Variants in JADE3 observed in about 807,000 individuals in gnomAD.
The protein encoded by JADE3 is protein Jade-3.
In JADE3, 2 loss-of-function variants were observed where a neutral mutation model predicts 50.1. That is an observed-to-expected ratio of 0.04 (90% CI 0.02 to 0.13). The LOEUF is 0.13. Ranked by LOEUF, JADE3 falls within the 10% of genes least tolerant of loss-of-function variation. The pLI, the probability that JADE3 is intolerant of heterozygous loss-of-function variation, is 1.00. For missense variants in JADE3, 475 were observed against 634.4 expected, an observed-to-expected ratio of 0.75 and a Z score of 2.70; for synonymous variants, 218 against 232.9, an observed-to-expected ratio of 0.94 and a Z score of 0.58.
In JADE3 at chrX:46,935,984, C is replaced by CT. The variant is rs782033362; in HGVS notation, c.-12+23272dup. 2.6e-3 allele frequency among the ~76,000 whole-genome samples: 212 copies of CT among 81,768 alleles called. 2 individuals are homozygous for CT. Among genetic ancestry groups the CT allele is most frequent in the Non-Finnish European group, 4.1e-3 (166 of 40,710 alleles). The allele number at this position is 81,768 out of a possible 115,157, so 71.0% of individuals were successfully genotyped here. A position where few individuals can be genotyped will look rare whatever the true frequency, so the allele number is the denominator to read the frequency against. ...GAGCCACCACGCCTGGCTGATTTTTCTTTTTTTAGATTTAACGTGGTTGAA... is the reference window on the plus strand; with the variant it reads ...GAGCCACCACGCCTGGCTGATTTTTCTTTTTTTTAGATTTAACGTGGTTGAA... On this transcript the variant is annotated intron_variant, in intron 1 of 10. Transcript: ENST00000614628.
chrX:46,958,104 C>T (rs782655434), intron 1 of JADE3, among the ~76,000 whole-genome samples: 1 of 111,698 alleles, frequency 9.0e-6, no homozygotes, highest in South Asian at 3.8e-4. Context: ...TCTGGATGCA[C>T]TTTCATTGGT....
intron 1 of JADE3, among the ~76,000 whole-genome samples, chrX:46,947,307 C>T (rs1242475116): frequency 9.0e-6 from 1 of 111,705 alleles, no homozygotes; most frequent in Non-Finnish European, 1.9e-5. Context: ...GCATGAGCCA[C>T]CGCGCCTGGC....
At chrX:47,032,873 TA>T (rs1322537997) in intron 6 of JADE3, among the ~76,000 whole-genome samples, 2 of 111,367 alleles carry the variant, frequency 1.8e-5, no homozygotes, top group African/African-American at 3.3e-5. Flanking sequence ...TTGAATCAGT[TA>T]GTCTCTAATA....
At chrX:46,948,174 A>G (rs782202525) in intron 1 of JADE3, among the ~76,000 whole-genome samples, 1 of 112,364 alleles carries the variant, frequency 8.9e-6, no homozygotes, top group East Asian at 2.8e-4. Flanking sequence ...GTTAAGAATC[A>G]ATTCCTGGGC....
chrX:46,987,503 T>G (rs1927888154), intron 3 of JADE3, among the ~76,000 whole-genome samples: 1 of 112,480 alleles, frequency 8.9e-6, no homozygotes, highest in South Asian at 3.7e-4. Context: ...CTTTTGGGTG[T>G]GTCCACCAGA....
chrX:46,936,942 T>C (rs1569534470), intron 1 of JADE3, among the ~76,000 whole-genome samples: 1 of 112,029 alleles, frequency 8.9e-6, no homozygotes, highest in African/African-American at 3.2e-5. Context: ...TTTTTCTGTT[T>C]AGTCCTTTAT....
chrX:46,992,513 C>A (rs1374524734), intron 3 of JADE3, among the ~76,000 whole-genome samples: 1 of 111,095 alleles, frequency 9.0e-6, no homozygotes, highest in Non-Finnish European at 1.9e-5. Flanking sequence ...CCTGTGTCTC[C>A]CTGCAGGCAC....
At chrX:47,046,057 TTGAAA>T (rs1188869486) in intron 8 of JADE3, among the ~76,000 whole-genome samples, 29 of 109,214 alleles carry the variant, frequency 2.7e-4, no homozygotes, top group African/African-American at 9.6e-4. Flanking sequence ...ATAAGTGAAG[TTGAAA>T]TGGAAAAAAA....
At chrX:47,055,697 G>A (rs1372569898) in intron 9 of JADE3, among the ~76,000 whole-genome samples, 12 of 111,589 alleles carry the variant, frequency 1.1e-4, no homozygotes, top group African/African-American at 2.3e-4. Context: ...CTGCTCGTCC[G>A]GCACTGATTA....
chrX:46,990,876 A>G (rs1927974076), intron 3 of JADE3, among the ~76,000 whole-genome samples: 2 of 109,744 alleles, frequency 1.8e-5, no homozygotes, highest in African/African-American at 6.6e-5. Context: ...ACCCCTGGCA[A>G]CCACTAATTT....
At chrX:46,973,260 G>C (rs1242611189) in intron 1 of JADE3, among the ~76,000 whole-genome samples, 1 of 112,550 alleles carries the variant, frequency 8.9e-6, no homozygotes, top group African/African-American at 3.2e-5. Flanking sequence ...AAATTTGTAT[G>C]TTCTTCCTTT....
intron 6 of JADE3, among the ~76,000 whole-genome samples, chrX:47,029,329 A>G (rs963502696): frequency 1.3e-3 from 140 of 111,793 alleles, no homozygotes; most frequent in African/African-American, 4.3e-3. Flanking sequence ...GAGAGGAGAA[A>G]TGTTCAGACA....
chrX:47,054,057 C>G, intron 8 of JADE3, 101 bp from the exon 9 acceptor site: 4 of 533,898 alleles, frequency 7.5e-6, no homozygotes, highest in Non-Finnish European at 1.2e-5. Context: ...TTCTCCCGGT[C>G]TTTCTTTTGC....
chrX:47,055,166 A>G (rs1929609011), intron 9 of JADE3, among the ~76,000 whole-genome samples: 2 of 111,210 alleles, frequency 1.8e-5, no homozygotes, highest in African/African-American at 6.5e-5. Flanking sequence ...AATGTCTGCA[A>G]ATTACCAAAT....
At chrX:46,947,180 C>T (rs1156988084) in intron 1 of JADE3, among the ~76,000 whole-genome samples, 6 of 111,100 alleles carry the variant, frequency 5.4e-5, no homozygotes, top group African/African-American at 1.3e-4. Context: ...CCACCATGCC[C>T]GGCTAATTTT....
At chrX:46,968,858 CT>C (rs1211231046) in intron 1 of JADE3, among the ~76,000 whole-genome samples, 2 of 111,552 alleles carry the variant, frequency 1.8e-5, no homozygotes, top group African/African-American at 6.5e-5. Context: ...GTTAATACCC[CT>C]CTTTCAGTAA....
chrX:46,986,464 T>C (rs957058751), intron 3 of JADE3, among the ~76,000 whole-genome samples: 2 of 112,466 alleles, frequency 1.8e-5, no homozygotes, highest in African/African-American at 6.5e-5. Flanking sequence ...TGATGACACA[T>C]AGTGCCTGGC....
At chrX:46,965,900 A>G (rs781919475) in intron 1 of JADE3, among the ~76,000 whole-genome samples, 2 of 112,174 alleles carry the variant, frequency 1.8e-5, no homozygotes, top group Non-Finnish European at 3.8e-5. Context: ...GTGGAGGCAC[A>G]TGATCCAATT....
intron 4 of JADE3, among the ~76,000 whole-genome samples, chrX:47,002,832 T>G (rs56820269): frequency 2.7e-5 from 3 of 111,392 alleles, no homozygotes; most frequent in Non-Finnish European, 3.8e-5. Context: ...TCTTGTAGTA[T>G]GTCAAATAGC....
Sources: gnomAD v4.1 joint callset for allele counts (sites outside exome capture counted in the v4.1 genomes callset) on GRCh38, gnomAD v4.1.1 for gene constraint, MANE v1.5 for transcripts, NCBI Gene and HGNC (gene_info 2026-07-23, HGNC 2026-07-21) for gene names.